IGSF21: variants seen among roughly 807,000 people sequenced by gnomAD.
IGSF21 encodes immunoglobin superfamily member 21.
A neutral mutation model predicts 46.8 loss-of-function variants in IGSF21; 28 were observed. The observed-to-expected ratio is 0.60, with a 90% CI of 0.44 to 0.82. The LOEUF (loss-of-function observed/expected upper bound fraction) is 0.82. IGSF21 is among the 40% of genes least tolerant of loss of function. The pLI, the probability that IGSF21 is intolerant of heterozygous loss-of-function variation, is 0.00. For synonymous variants in IGSF21, 284 were observed against 273.6 expected (o/e 1.04, Z -0.38); for missense variants, 624 against 665.5 (o/e 0.94, Z 0.69).
chr1:18,143,541 C>A (rs866268152), intron 1 of IGSF21, among the ~76,000 whole-genome samples: 1 of 152,144 alleles, frequency 6.6e-6, no homozygotes, highest in African/African-American at 2.4e-5. Context: ...TGTCAGTGTC[C>A]AGCTCCCCAC....
intron 1 of IGSF21, among the ~76,000 whole-genome samples, chr1:18,208,151 T>C (rs935286448): frequency 1.1e-4 from 16 of 151,546 alleles, no homozygotes; most frequent in African/African-American, 3.9e-4. Context: ...ATAGCACAGA[T>C]GCCTGAGGGC....
chr1:18,261,783 G>A (rs763703233), intron 2 of IGSF21, among the ~76,000 whole-genome samples: 1 of 152,224 alleles, frequency 6.6e-6, no homozygotes, highest in African/African-American at 2.4e-5. Context: ...ACTTGGGTCT[G>A]TCCTAGGCAG....
intron 2 of IGSF21, among the ~76,000 whole-genome samples, chr1:18,291,411 A>G (rs1466667421): frequency 1.3e-5 from 2 of 152,102 alleles, no homozygotes; most frequent in Non-Finnish European, 2.9e-5. Context: ...TTCATCCTCA[A>G]TCTATAGCCA....
At position 18,269,237 on chromosome 1, in the gene IGSF21, T is replaced by C. The variant is rs1423937715; in HGVS notation, c.184-22629T>C. On this transcript the variant is annotated intron_variant, in intron 2 of 9. Transcript: ENST00000251296. ...GGTGGCTGCTGATGCCGATGAGACT[T>C]GGGGTGATCCACCTGGGGCAGGTCT... Among the ~76,000 whole-genome samples, 4 of 152,156 alleles carry C rather than the reference T, an allele frequency of 2.6e-5. No individual in the cohort carries two copies. In the East Asian group the frequency reaches 7.8e-4, roughly 30 times the overall value.
intron 2 of IGSF21, among the ~76,000 whole-genome samples, chr1:18,275,563 C>G (rs1569698803): frequency 6.6e-6 from 1 of 152,128 alleles, no homozygotes; most frequent in East Asian, 1.9e-4. Context: ...CCATGCTCAC[C>G]TGGAACTATC....
At chr1:18,351,080 C>T (rs1401237289) in intron 4 of IGSF21, among the ~76,000 whole-genome samples, 1 of 152,108 alleles carries the variant, frequency 6.6e-6, no homozygotes, top group Non-Finnish European at 1.5e-5. Flanking sequence ...GATGAGGAAA[C>T]CGAGACCCAG....
chr1:18,224,146 C>T (rs896787202), intron 1 of IGSF21, among the ~76,000 whole-genome samples: 4 of 152,176 alleles, frequency 2.6e-5, no homozygotes, highest in African/African-American at 9.7e-5. Flanking sequence ...TTTAATTTTG[C>T]ACTGCAGGCC....
chr1:18,347,417 C>T (rs1339765825), intron 4 of IGSF21, among the ~76,000 whole-genome samples: 1 of 152,194 alleles, frequency 6.6e-6, no homozygotes, highest in African/African-American at 2.4e-5. Flanking sequence ...GTTCCCACTC[C>T]ATGAAGCTGT....
At position 18,177,392 on chromosome 1, in the gene IGSF21, GGTGTGT is replaced by G. The variant is rs3041401; in HGVS notation, c.71-50467_71-50462del. Among the ~76,000 whole-genome samples the G allele has an allele frequency of 5.7e-3, 711 of 124,962 alleles. 15 individuals carry two copies. The highest frequency in any genetic ancestry group is 0.02 in the Middle Eastern group (5 of 250). 82.0% of individuals were successfully genotyped at this position (124,962 alleles called of 152,430 possible). On this transcript the variant is annotated intron_variant, in intron 1 of 9. Coordinates refer to ENST00000251296, the MANE Select transcript of IGSF21 (RefSeq NM_032880.5). ...TCGTGTGTGGGGATGGGGTCAGTGA[GGTGTGT>G]GTGTGTGTGTGTGTGTGTGTGTGTG...
Position 18,334,417 on chromosome 1 carries a change from G to T in IGSF21, c.306-475G>T, listed in dbSNP as rs2085744874. ...CATACTGGTTCTTATTAGCAATTGAGTTCCGTCCTGAGCCTCAGTTTCCTT... is the reference window on the plus strand; with the variant it reads ...CATACTGGTTCTTATTAGCAATTGATTTCCGTCCTGAGCCTCAGTTTCCTT... On this transcript the variant is annotated intron_variant, in intron 3 of 9. Coordinates refer to ENST00000251296, the MANE Select transcript of IGSF21 (RefSeq NM_032880.5). This position sits in a 1 kb window ranked among gnomAD's most constrained non-coding sequence, Gnocchi z 4.3. Among the ~76,000 whole-genome samples the T allele has an allele frequency of 6.6e-6, 1 of 152,144 alleles. No homozygotes were observed. Among genetic ancestry groups the T allele is most frequent in the Admixed American group, 6.5e-5 (1 of 15,278 alleles).
chr1:18,308,049 T>C (rs140097320), intron 3 of IGSF21, among the ~76,000 whole-genome samples: 1 of 152,268 alleles, frequency 6.6e-6, no homozygotes, highest in East Asian at 1.9e-4. Flanking sequence ...CTCCCTTGGG[T>C]GACCTCATGA....
Position 18,365,795 on chromosome 1 carries a change from G to A in IGSF21, c.1015+98G>A, listed in dbSNP as rs955662478. The A allele has an allele frequency of 1.2e-5, 13 of 1,046,296 alleles. No individual in the cohort carries two copies. The East Asian group carries it at 2.3e-4, about 19-fold the overall frequency. The allele number at this position is 1,046,296 out of a possible 1,614,324, so 64.8% of individuals were successfully genotyped here. A position where few individuals can be genotyped will look rare whatever the true frequency, so the allele number is the denominator to read the frequency against. On this transcript the variant is annotated intron_variant, in intron 6 of 9. Transcript: ENST00000251296. The surrounding 1 kb of genome is among the most constrained non-coding windows in gnomAD (Gnocchi z 4.8). ...CCTGGGCTGAGGACAGCCATGGAAA[G>A]GGGGAGGAGATGGAGCAAACTGGAG...
At chr1:18,356,780 G>A (rs1569867247) in intron 4 of IGSF21, among the ~76,000 whole-genome samples, 1 of 152,172 alleles carries the variant, frequency 6.6e-6, no homozygotes, top group South Asian at 2.1e-4. Context: ...TTGAGTTGGA[G>A]ATGAGGATAG....
At chr1:18,270,041 C>T (rs909071141) in intron 2 of IGSF21, among the ~76,000 whole-genome samples, 3 of 152,186 alleles carry the variant, frequency 2.0e-5, no homozygotes, top group African/African-American at 7.2e-5. Context: ...ATGCTATCTC[C>T]CTTTCTCAAG....
At position 18,123,325 on chromosome 1, in the gene IGSF21, G is replaced by A. The variant is rs2086250665; in HGVS notation, c.70+15127G>A. Among the ~76,000 whole-genome samples, 13 of 152,218 alleles carry A rather than the reference G, an allele frequency of 8.5e-5. No individual in the cohort carries two copies. In the South Asian group the frequency reaches 2.7e-3, roughly 31 times the overall value. ...CCTGGCAAAGAATAGCTGTGCCAGT[G>A]ACAAGGGATGCTCCATTTCCTGGGA... On this transcript the variant is annotated intron_variant, in intron 1 of 9. Coordinates refer to ENST00000251296, the MANE Select transcript of IGSF21 (RefSeq NM_032880.5).
chr1:18,287,842 T>C (rs2085230451), intron 2 of IGSF21, among the ~76,000 whole-genome samples: 1 of 152,174 alleles, frequency 6.6e-6, no homozygotes, highest in Non-Finnish European at 1.5e-5. Context: ...CCTGCCTCCC[T>C]CTCTGGGTGT....
chr1:18,145,998 G>A (rs1294593557), intron 1 of IGSF21, among the ~76,000 whole-genome samples: 1 of 152,144 alleles, frequency 6.6e-6, no homozygotes, highest in East Asian at 1.9e-4. Context: ...CTGGGACAGT[G>A]AATGAAGAGT....
chr1:18,270,058 G>A (rs554847040), intron 2 of IGSF21, among the ~76,000 whole-genome samples: 10 of 152,204 alleles, frequency 6.6e-5, no homozygotes, highest in South Asian at 2.1e-4. Context: ...CAAGGACCCC[G>A]GGCCCCAAGG....
intron 1 of IGSF21, among the ~76,000 whole-genome samples, chr1:18,174,005 C>T (rs12081143): frequency 0.087 from 13,232 of 152,252 alleles, 641 homozygotes; most frequent in Middle Eastern, 0.18. Context: ...TTGCCCTCCT[C>T]GGCCTCCCAA....
Sources: gnomAD v4.1 joint callset for allele counts (sites outside exome capture counted in the v4.1 genomes callset) on GRCh38, gnomAD v4.1.1 for gene constraint, Gnocchi (gnomAD v3.1) non-coding constraint, MANE v1.5 for transcripts, NCBI Gene and HGNC (gene_info 2026-07-23, HGNC 2026-07-21) for gene names.